The following AP3D1 variants were observed in gnomAD, a reference collection of about 807,000 sequenced individuals.
AP3D1 encodes the protein AP-3 complex subunit delta-1.
In AP3D1, 51 loss-of-function variants were observed where a neutral mutation model predicts 147.6. The observed-to-expected ratio is 0.35, with a 90% CI of 0.28 to 0.44. The LOEUF is 0.44. Ranked by LOEUF, AP3D1 falls within the 20% of genes least tolerant of loss-of-function variation. AP3D1 has a pLI of 1.00. For missense variants in AP3D1, 1,421 were observed against 1,624.2 expected, an observed-to-expected ratio of 0.87 and a Z score of 2.15; for synonymous variants, 760 against 663.0, an observed-to-expected ratio of 1.15 and a Z score of -2.25.
intron 1 of AP3D1, among the ~76,000 whole-genome samples, chr19:2,144,295 C>G (rs1476820074): frequency 6.6e-6 from 1 of 152,146 alleles, no homozygotes; most frequent in African/African-American, 2.4e-5. Context: ...TTCAACAGCC[C>G]GGGACACCGT....
At chr19:2,138,066 A>T (rs1202756087) in intron 2 of AP3D1, among the ~76,000 whole-genome samples, 2 of 152,252 alleles carry the variant, frequency 1.3e-5, no homozygotes, top group Non-Finnish European at 2.9e-5. Context: ...ACTGGCGCTT[A>T]CGGGTACTGG....
intron 4 of AP3D1, among the ~76,000 whole-genome samples, chr19:2,135,126 G>C (rs540408891): frequency 3.3e-5 from 5 of 152,094 alleles, no homozygotes; most frequent in South Asian, 4.1e-4. Flanking sequence ...GCTTGAACCT[G>C]GGAGGCAGAG....
chr19:2,123,300 C>T (rs897066663), intron 11 of AP3D1, 58 bp downstream of exon 11: 20 of 1,556,258 alleles, frequency 1.3e-5, no homozygotes, highest in Non-Finnish European at 1.6e-5. Context: ...TAGGAGGACC[C>T]CTAACTTCAC....
chr19:2,137,129 C>T, intron 3 of AP3D1, 38 bp from the exon 4 acceptor site: 1 of 1,523,644 alleles, frequency 6.6e-7, no homozygotes, highest in East Asian at 2.4e-5. Flanking sequence ...AGGCAGGACA[C>T]CCGCAGCCTC....
intron 2 of AP3D1, among the ~76,000 whole-genome samples, chr19:2,138,142 T>C (rs2063228042): frequency 6.6e-6 from 1 of 152,140 alleles, no homozygotes; most frequent in Admixed American, 6.5e-5. Context: ...AGCAGCAGCA[T>C]GGGGGACCCT....
At chr19:2,121,980 T>C in intron 11 of AP3D1, 101 bp from the exon 12 acceptor site, 1 of 1,392,852 alleles carries the variant, frequency 7.2e-7, no homozygotes, top group Non-Finnish European at 9.6e-7. Flanking sequence ...CTCGGGAGGC[T>C]GCCTGGCCTT....
intron 4 of AP3D1, among the ~76,000 whole-genome samples, chr19:2,136,082 G>A (rs937302678): frequency 2.0e-5 from 3 of 151,642 alleles, no homozygotes; most frequent in African/African-American, 4.9e-5. Context: ...GAAGACTCCC[G>A]CCCAGGTCCC....
chr19:2,117,187 C>T, intron 16 of AP3D1, 35 bp downstream of exon 16: 1 of 1,554,856 alleles, frequency 6.4e-7, no homozygotes, highest in Non-Finnish European at 8.7e-7. Flanking sequence ...CATGTCAGGG[C>T]CATGGTTGCA....
In AP3D1 at chr19:2,121,294, C is replaced by G. The variant is rs2018604746; in HGVS notation, c.1119G>C (p.Leu373=). 1 of 1,614,194 alleles carries G rather than the reference C, an allele frequency of 6.2e-7. No homozygotes were observed. The highest frequency in any genetic ancestry group is 2.2e-5 in the East Asian group (1 of 44,894). Residue 373 remains leucine, a synonymous_variant, in exon 13 of 32, where the codon CTG becomes CTC. Coordinates refer to ENST00000643116, the MANE Select transcript of AP3D1 (RefSeq NM_001261826.3). The part of the protein sequence containing the change: ...LLYGMVSKKN[L]MEIVKKLMTH... The stretch of plus-strand genomic sequence containing the variant: ...TCATCAGCTTCTTCACGATCTCCAT[C>G]AGGTTCTTCTTGGACACCTGGGCAA...
At chr19:2,150,684 C>G (rs1367824328) in intron 1 of AP3D1, among the ~76,000 whole-genome samples, 2 of 152,190 alleles carry the variant, frequency 1.3e-5, no homozygotes, top group East Asian at 3.9e-4. Context: ...CCTGGACACG[C>G]ATTTACACGA....
chr19:2,157,725 C>A (rs1405740005), intron 1 of AP3D1, among the ~76,000 whole-genome samples: 1 of 151,908 alleles, frequency 6.6e-6, no homozygotes, highest in Non-Finnish European at 1.5e-5. Flanking sequence ...ACCAACCCAC[C>A]CATCCACCCA....
At chr19:2,114,386 G>T in intron 21 of AP3D1, 84 bp from the exon 22 acceptor site, 1 of 1,169,772 alleles carries the variant, frequency 8.5e-7, no homozygotes, top group Non-Finnish European at 1.2e-6. Flanking sequence ...CCAAGCATGT[G>T]GCAGTGCGGG....
At chr19:2,123,229 A>T in intron 11 of AP3D1, 129 bp downstream of exon 11, 1 of 943,094 alleles carries the variant, frequency 1.1e-6, no homozygotes, top group Non-Finnish European at 1.6e-6. Context: ...TCTGAGGCAG[A>T]GTGCCATCCA....
At chr19:2,158,630 A>C (rs2019668794) in intron 1 of AP3D1, among the ~76,000 whole-genome samples, 1 of 148,108 alleles carries the variant, frequency 6.8e-6, no homozygotes, top group Admixed American at 6.8e-5. Context: ...TTTGAGATGG[A>C]GATTCGCTCT....
intron 1 of AP3D1, chr19:2,164,013 G>T: frequency 4.0e-6 from 1 of 248,836 alleles, no homozygotes; most frequent in Non-Finnish European, 6.9e-6. Flanking sequence ...GGAGTCGGGG[G>T]CCGGGCCGGA....
intron 1 of AP3D1, among the ~76,000 whole-genome samples, chr19:2,148,575 C>T (rs2019423669): frequency 6.6e-6 from 1 of 152,228 alleles, no homozygotes; most frequent in Non-Finnish European, 1.5e-5. Flanking sequence ...AGCGCTCTGG[C>T]GCTTCCAGAA....
In AP3D1 at chr19:2,118,709, C is replaced by T. The variant is rs2018527024; in HGVS notation, c.1605G>A (p.Gln535=). 1 of 1,613,476 alleles carries T rather than the reference C, an allele frequency of 6.2e-7. No individual in the cohort carries two copies. Among genetic ancestry groups the T allele is most frequent in the African/African-American group, 1.3e-5 (1 of 74,950 alleles). ...NVVKLYASIL[Q]QKEQAGEAEG... is the part of the protein sequence containing the mutation. ...CTGCCTCCCCGGCCTGCTCCTTCTG[C>T]TGCAGGATGGAGGCGTAGAGCTTGA... is the stretch of plus-strand genomic sequence containing the variant. The change falls in exon 15 of 32, where the codon CAG becomes CAA. Residue 535 remains glutamine (Q), a synonymous_variant. Coordinates refer to ENST00000643116, the MANE Select transcript of AP3D1 (RefSeq NM_001261826.3).
At chr19:2,114,635 C>G in intron 21 of AP3D1, 113 bp downstream of exon 21, 1 of 649,330 alleles carries the variant, frequency 1.5e-6, no homozygotes. Flanking sequence ...CGCCCGCACC[C>G]CACCCCAGCC....
intron 1 of AP3D1, among the ~76,000 whole-genome samples, chr19:2,141,231 A>C (rs751549186): frequency 6.6e-6 from 1 of 152,102 alleles, no homozygotes; most frequent in South Asian, 2.1e-4. Context: ...AATTTCTCAA[A>C]CACCTCAGCT....
Sources: gnomAD v4.1 joint callset for allele counts (sites outside exome capture counted in the v4.1 genomes callset) on GRCh38, gnomAD v4.1.1 for gene constraint, MANE v1.5 for transcripts, NCBI Gene and HGNC (gene_info 2026-07-23, HGNC 2026-07-21) for gene names.